ERICH6B: variants seen among roughly 807,000 people sequenced by gnomAD.
ERICH6B encodes the protein glutamate-rich protein 6B.
A neutral mutation model predicts 80.0 loss-of-function variants in ERICH6B; 69 were observed. The observed-to-expected ratio is 0.86, with a 90% CI of 0.71 to 1.05. ERICH6B has a LOEUF of 1.05. Among genes scored for constraint, ERICH6B ranks in the 50% least tolerant of loss-of-function variants. ERICH6B has a pLI of 0.00. For missense variants in ERICH6B, 754 were observed against 796.1 expected, an observed-to-expected ratio of 0.95 and a Z score of 0.64; for synonymous variants, 283 against 291.9, an observed-to-expected ratio of 0.97 and a Z score of 0.31.
chr13:45,599,205 G>C (rs1363930273), intron 2 of ERICH6B, among the ~76,000 whole-genome samples: 2 of 152,162 alleles, frequency 1.3e-5, no homozygotes, highest in African/African-American at 2.4e-5. Flanking sequence ...AGGCCTCACT[G>C]GTAGCCTGAT....
chr13:45,561,559 G>T (rs1874683806), intron 10 of ERICH6B, 33 bp from the exon 11 acceptor site: 2 of 1,544,542 alleles, frequency 1.3e-6, no homozygotes, highest in African/African-American at 1.4e-5. Context: ...CATTGAATAA[G>T]ATTTTGGTGG....
At chr13:45,552,208 T>A (rs1874250165) in intron 11 of ERICH6B, among the ~76,000 whole-genome samples, 1 of 152,202 alleles carries the variant, frequency 6.6e-6, no homozygotes, top group African/African-American at 2.4e-5. Flanking sequence ...TATCCCTTCT[T>A]TGGTGTTTGC....
At chr13:45,610,673 G>A (rs1295460578) in intron 1 of ERICH6B, among the ~76,000 whole-genome samples, 1 of 152,202 alleles carries the variant, frequency 6.6e-6, no homozygotes, top group African/African-American at 2.4e-5. Flanking sequence ...TGGACAGCAT[G>A]TTACTGTACT....
intron 7 of ERICH6B, among the ~76,000 whole-genome samples, chr13:45,575,207 G>A (rs1298816162): frequency 6.6e-6 from 1 of 152,228 alleles, no homozygotes; most frequent in Non-Finnish European, 1.5e-5. Context: ...GTCTGACAAA[G>A]TGGTCTTTGA....
intron 14 of ERICH6B, among the ~76,000 whole-genome samples, chr13:45,543,146 G>A (rs1199440657): frequency 6.6e-6 from 1 of 152,116 alleles, no homozygotes; most frequent in Admixed American, 6.5e-5. Context: ...CTGTGGAATG[G>A]GCCGGGGGAG....
intron 8 of ERICH6B, among the ~76,000 whole-genome samples, chr13:45,572,137 A>G (rs962683561): frequency 2.0e-5 from 3 of 152,222 alleles, no homozygotes; most frequent in African/African-American, 7.2e-5. Context: ...TATCTCATAG[A>G]AACTTAACAC....
chr13:45,599,177 T>C (rs1326825624), intron 2 of ERICH6B, among the ~76,000 whole-genome samples: 3 of 151,736 alleles, frequency 2.0e-5, no homozygotes, highest in Non-Finnish European at 4.4e-5. Context: ...ACTGAAAGAG[T>C]TGGTGGAGAG....
At chr13:45,563,895 T>A (rs1874804371) in intron 9 of ERICH6B, 107 bp from the exon 10 acceptor site, 2 of 926,126 alleles carry the variant, frequency 2.2e-6, no homozygotes, top group South Asian at 3.2e-5. Flanking sequence ...CTTTCGCAGG[T>A]GGAAATGGGG....
chr13:45,568,740 T>TA (rs917318311), intron 8 of ERICH6B, among the ~76,000 whole-genome samples: 1 of 152,110 alleles, frequency 6.6e-6, no homozygotes, highest in South Asian at 2.1e-4. Flanking sequence ...AAGTTGAAGA[T>TA]AAAAAAACAA....
At chr13:45,580,123 T>C in intron 6 of ERICH6B, 149 bp from the exon 7 acceptor site, 1 of 651,694 alleles carries the variant, frequency 1.5e-6, no homozygotes, top group East Asian at 2.8e-5. Context: ...GATAAAAGCC[T>C]TCCTTGATCT....
At chr13:45,599,825 G>C (rs768949640) in intron 2 of ERICH6B, among the ~76,000 whole-genome samples, 7 of 152,222 alleles carry the variant, frequency 4.6e-5, no homozygotes, top group Non-Finnish European at 7.3e-5. Context: ...GACGGTGAAA[G>C]TGTTAGGATT....
chr13:45,590,403 C>A (rs560632269), intron 4 of ERICH6B, among the ~76,000 whole-genome samples: 2 of 152,080 alleles, frequency 1.3e-5, no homozygotes, highest in Non-Finnish European at 2.9e-5. Flanking sequence ...CAAACTCAGA[C>A]GACCTCTGCC....
At chr13:45,541,828 G>A in intron 14 of ERICH6B, 148 bp from the exon 15 acceptor site, 1 of 697,716 alleles carries the variant, frequency 1.4e-6, no homozygotes, top group Non-Finnish European at 2.4e-6. Context: ...CCTGCCACCT[G>A]CCACCTTCCT....
rs1025912041 is a variant in ERICH6B at position 45,600,063 on chromosome 13, G to T, written c.-58-3000C>A. 2.0e-5 allele frequency among the ~76,000 whole-genome samples: 3 copies of T among 152,272 alleles called. No individual in the cohort carries two copies. In the East Asian group the frequency reaches 5.8e-4, roughly 29 times the overall value. ...GGAGGACACTGTCTTTGGGGCAAAGGGTGAGCTACGGAAAGCTTTGGGACC... is the reference window on the plus strand; with the variant it reads ...GGAGGACACTGTCTTTGGGGCAAAGTGTGAGCTACGGAAAGCTTTGGGACC... On this transcript the variant is annotated intron_variant, in intron 2 of 14. Coordinates refer to ENST00000298738, the MANE Select transcript of ERICH6B (RefSeq NM_182542.3).
At chr13:45,550,388 G>T (rs1004949441) in intron 11 of ERICH6B, 72 bp from the exon 12 acceptor site, 2 of 1,267,806 alleles carry the variant, frequency 1.6e-6, no homozygotes, top group African/African-American at 1.5e-5. Flanking sequence ...TGCAGAGCAC[G>T]GTGTGGACCC....
At chr13:45,612,406 A>C (rs1323012066) in intron 1 of ERICH6B, among the ~76,000 whole-genome samples, 1 of 152,256 alleles carries the variant, frequency 6.6e-6, no homozygotes, top group Non-Finnish European at 1.5e-5. Context: ...ACATAGTATG[A>C]TTATGTAATG....
chr13:45,591,880 T>G (rs1404965248), intron 3 of ERICH6B, among the ~76,000 whole-genome samples: 1 of 152,186 alleles, frequency 6.6e-6, no homozygotes, highest in Non-Finnish European at 1.5e-5. Flanking sequence ...CTGTTCAAAT[T>G]TTTCATTTTT....
chr13:45,587,138 A>T lies in ERICH6B; in HGVS notation c.781T>A (p.Ser261Thr). 1 of 1,551,516 alleles carries T rather than the reference A, an allele frequency of 6.4e-7. No homozygotes were observed. The highest frequency in any genetic ancestry group is 1.2e-5 in the South Asian group (1 of 84,036). ...PSPVSESATE[S>T]SELLLTLYRR... ...TACAATGTCAGAAGCAACTCAGAAGACTCTGTGGCAGATTCAGAGACAGGA... is the reference window on the plus strand; with the variant it reads ...TACAATGTCAGAAGCAACTCAGAAGTCTCTGTGGCAGATTCAGAGACAGGA... Residue 261 changes from serine (S) to threonine (T), a missense_variant, in exon 5 of 15, where the codon TCT (serine) becomes ACT (threonine). Ser to Thr is a moderately conservative substitution (Grantham distance 58, BLOSUM62 1). Coordinates refer to ENST00000298738, the MANE Select transcript of ERICH6B (RefSeq NM_182542.3).
chr13:45,596,381 T>G lies in ERICH6B; in HGVS notation c.625A>C (p.Lys209Gln). ...TCCAGATACTCACCTTTCAGATACT[T>G]TTTATACAGATTTTCTTTTCCATCC... ...NLDGKENLYK[K>Q]YLKEPKASYS... The change falls in exon 3 of 15, where the codon AAG (lysine) becomes CAG (glutamine). Residue 209 changes from lysine (K) to glutamine (Q), a missense_variant. Coordinates refer to ENST00000298738, the MANE Select transcript of ERICH6B (RefSeq NM_182542.3). 1.2e-5 allele frequency: 19 copies of G among 1,550,296 alleles called. No individual in the cohort carries two copies. Among genetic ancestry groups the G allele is most frequent in the Non-Finnish European group, 1.7e-5 (19 of 1,146,524 alleles).
Sources: gnomAD v4.1 joint callset for allele counts (sites outside exome capture counted in the v4.1 genomes callset) on GRCh38, gnomAD v4.1.1 for gene constraint, MANE v1.5 for transcripts, NCBI Gene and HGNC (gene_info 2026-07-23, HGNC 2026-07-21) for gene names.